PTPRK: variants seen among roughly 807,000 people sequenced by gnomAD.
PTPRK encodes the protein protein tyrosine phosphatase receptor type K.
PTPRK carries 75 observed loss-of-function variants against 178.0 expected under a neutral mutation model. The ratio of observed to expected loss-of-function variants is 0.42; its 90% CI spans 0.35 to 0.51. PTPRK has a LOEUF of 0.51. Among genes scored for constraint, PTPRK ranks in the 20% least tolerant of loss-of-function variants. The probability of loss-of-function intolerance (pLI) is 0.02; values close to 1 mark genes in which losing one functional copy is unlikely to be tolerated. For synonymous variants in PTPRK, 637 were observed against 620.6 expected (o/e 1.03, Z -0.39); for missense variants, 1,441 against 1,797.8 (o/e 0.80, Z 3.59).
intron 1 of PTPRK, among the ~76,000 whole-genome samples, chr6:128,498,829 C>G (rs906736741): frequency 1.3e-4 from 20 of 152,278 alleles, no homozygotes; most frequent in African/African-American, 4.8e-4. Context: ...AGCTACTCTG[C>G]TAGCTATTTT....
chr6:128,390,179 C>A (rs1456736576), intron 2 of PTPRK, among the ~76,000 whole-genome samples: 1 of 152,148 alleles, frequency 6.6e-6, no homozygotes, highest in Admixed American at 6.6e-5. Flanking sequence ...TATTTTCAAA[C>A]CCTAGACTTT....
chr6:128,178,194 A>C (rs1474564831), intron 7 of PTPRK, among the ~76,000 whole-genome samples: 1 of 151,866 alleles, frequency 6.6e-6, no homozygotes, highest in African/African-American at 2.4e-5. Context: ...TCTTTGGATT[A>C]CTGAAGTATG....
intron 2 of PTPRK, among the ~76,000 whole-genome samples, chr6:128,395,374 G>C (rs1233833355): frequency 6.6e-6 from 1 of 152,002 alleles, no homozygotes; most frequent in Non-Finnish European, 1.5e-5. Context: ...TTCATTTTCT[G>C]TGCATATCAT....
intron 7 of PTPRK, among the ~76,000 whole-genome samples, chr6:128,144,301 T>C (rs1796177020): frequency 6.6e-6 from 1 of 152,232 alleles, no homozygotes; most frequent in Admixed American, 6.5e-5. Context: ...GCAACTCATA[T>C]CAATTGCCAG....
At chr6:128,500,770 A>AT (rs954503859) in intron 1 of PTPRK, 3 of 152,160 alleles carry the variant, frequency 2.0e-5, no homozygotes, top group African/African-American at 7.2e-5. Context: ...AAAAATCTAC[A>AT]TTTTGTTTTG....
chr6:128,243,046 A>T (rs1490879132), intron 3 of PTPRK, among the ~76,000 whole-genome samples: 2 of 152,204 alleles, frequency 1.3e-5, no homozygotes, highest in Non-Finnish European at 2.9e-5. Flanking sequence ...ATTTTCAAGG[A>T]TGAGTGTCAA....
chr6:128,235,964 C>T (rs1813177712), intron 5 of PTPRK, among the ~76,000 whole-genome samples: 1 of 152,046 alleles, frequency 6.6e-6, no homozygotes, highest in Admixed American at 6.5e-5. Context: ...ACTTTTATTA[C>T]AGTATATTGT....
intron 6 of PTPRK, among the ~76,000 whole-genome samples, chr6:128,196,166 A>G (rs745577557): frequency 6.6e-6 from 1 of 152,128 alleles, no homozygotes; most frequent in African/African-American, 2.4e-5. Flanking sequence ...TGTAGGCTTA[A>G]TGATGGGGGA....
At chr6:128,129,760 A>G (rs1421793108) in intron 7 of PTPRK, among the ~76,000 whole-genome samples, 1 of 152,104 alleles carries the variant, frequency 6.6e-6, no homozygotes, top group South Asian at 2.1e-4. Context: ...TAGTATTTAG[A>G]AAAAAAATTA....
intron 7 of PTPRK, among the ~76,000 whole-genome samples, chr6:128,143,697 C>T (rs1796093406): frequency 6.6e-6 from 1 of 152,126 alleles, no homozygotes; most frequent in Admixed American, 6.6e-5. Flanking sequence ...CATTGGCCAT[C>T]CCCTGTCCTC....
At chr6:128,409,158 A>G in intron 1 of PTPRK, 1 of 300,826 alleles carries the variant, frequency 3.3e-6, no homozygotes, top group Non-Finnish European at 6.5e-6. Context: ...TACTTATGGG[A>G]AGCAACATTT....
At chr6:128,424,274 T>A (rs1339671281) in intron 1 of PTPRK, among the ~76,000 whole-genome samples, 2 of 152,046 alleles carry the variant, frequency 1.3e-5, no homozygotes, top group Admixed American at 1.3e-4. Context: ...AAGGTTAATT[T>A]TTACAGCTAC....
intron 7 of PTPRK, among the ~76,000 whole-genome samples, chr6:128,152,757 G>T (rs775252666): frequency 3.3e-5 from 5 of 151,806 alleles, no homozygotes; most frequent in Non-Finnish European, 5.9e-5. Context: ...GTGGCAAAAG[G>T]GTGATTAAAA....
intron 3 of PTPRK, among the ~76,000 whole-genome samples, chr6:128,286,816 A>G (rs1330729166): frequency 6.6e-6 from 1 of 152,212 alleles, no homozygotes; most frequent in African/African-American, 2.4e-5. Context: ...TTGTTAGTGT[A>G]GCCTTCAGAG....
intron 1 of PTPRK, among the ~76,000 whole-genome samples, chr6:128,448,255 AT>A (rs1847292625): frequency 6.6e-6 from 1 of 152,196 alleles, no homozygotes; most frequent in Non-Finnish European, 1.5e-5. Flanking sequence ...AGAACTATTC[AT>A]TTTTTATAAC....
intron 7 of PTPRK, among the ~76,000 whole-genome samples, chr6:128,104,588 T>A (rs902182487): frequency 6.6e-6 from 1 of 152,228 alleles, no homozygotes; most frequent in Non-Finnish European, 1.5e-5. Context: ...TTTGAGCTGA[T>A]AAATAACTGA....
At chr6:128,324,386 T>C (rs527779503) in intron 2 of PTPRK, among the ~76,000 whole-genome samples, 4 of 152,256 alleles carry the variant, frequency 2.6e-5, no homozygotes, top group South Asian at 4.1e-4. Context: ...TATAGCATAA[T>C]ATTTACTATA....
At chr6:128,338,651 C>T (rs1831259588) in intron 2 of PTPRK, among the ~76,000 whole-genome samples, 1 of 119,252 alleles carries the variant, frequency 8.4e-6, no homozygotes, top group Non-Finnish European at 1.8e-5. Context: ...TGCTTTGCTG[C>T]CCCTGGAAGT....
At chr6:128,122,326 G>A (rs1028034539) in intron 7 of PTPRK, among the ~76,000 whole-genome samples, 22 of 152,060 alleles carry the variant, frequency 1.4e-4, no homozygotes, top group African/African-American at 5.3e-4. Flanking sequence ...CATTTTCAGA[G>A]AGAAACATTT....
Sources: gnomAD v4.1 joint callset for allele counts (sites outside exome capture counted in the v4.1 genomes callset) on GRCh38, gnomAD v4.1.1 for gene constraint, MANE v1.5 for transcripts, NCBI Gene and HGNC (gene_info 2026-07-23, HGNC 2026-07-21) for gene names.